The following RASA1 variants were observed in gnomAD, a reference collection of about 807,000 sequenced individuals.
The protein encoded by RASA1 is RAS p21 protein activator 1.
RASA1 carries 25 observed loss-of-function variants against 132.2 expected under a neutral mutation model. The observed-to-expected ratio is 0.19, with a 90% CI of 0.14 to 0.26. RASA1 has a LOEUF of 0.26. Among genes scored for constraint, RASA1 ranks in the 10% least tolerant of loss-of-function variants. The pLI, the probability that RASA1 is intolerant of heterozygous loss-of-function variation, is 1.00. For missense variants in RASA1, 964 were observed against 1,299.2 expected (o/e 0.74, Z 3.97); for synonymous variants, 477 against 449.9 (o/e 1.06, Z -0.76).
chr5:87,269,184 C>A lies in RASA1; in HGVS notation c.539+194C>A. On this transcript the variant is annotated intron_variant, in intron 1 of 24. Transcript: ENST00000274376. The stretch of plus-strand genomic sequence containing the variant: ...AGGCATACTACCTGGCGTCTTCCTA[C>A]ATTTATTGCTCCTCTGGGAAAGTGT... 8 of 1,604,004 alleles carry A rather than the reference C, an allele frequency of 5.0e-6. No individual in the cohort carries two copies. In the South Asian group the frequency reaches 8.9e-5, roughly 18 times the overall value.
intron 1 of RASA1, among the ~76,000 whole-genome samples, chr5:87,308,034 A>G (rs1755701789): frequency 6.6e-6 from 1 of 152,082 alleles, no homozygotes; most frequent in African/African-American, 2.4e-5. Flanking sequence ...GTGTAGCTTC[A>G]CAATTCAGTA....
chr5:87,274,708 A>C (rs915345524), intron 1 of RASA1, among the ~76,000 whole-genome samples: 2 of 152,220 alleles, frequency 1.3e-5, no homozygotes, highest in African/African-American at 4.8e-5. Context: ...GAGGGTTAAA[A>C]GAAAAAGAAA....
At chr5:87,282,973 T>G (rs1039848561) in intron 1 of RASA1, among the ~76,000 whole-genome samples, 10 of 152,124 alleles carry the variant, frequency 6.6e-5, no homozygotes, top group East Asian at 1.9e-4. Context: ...AGCATTTTTT[T>G]TGTGTGTGCT....
At chr5:87,281,074 C>T (rs1334125374) in intron 1 of RASA1, among the ~76,000 whole-genome samples, 1 of 152,030 alleles carries the variant, frequency 6.6e-6, no homozygotes, top group Non-Finnish European at 1.5e-5. Context: ...TGTTCCAGTG[C>T]CTGCTTTCAT....
intron 1 of RASA1, among the ~76,000 whole-genome samples, chr5:87,278,059 C>G (rs898615626): frequency 7.9e-5 from 12 of 152,214 alleles, no homozygotes; most frequent in Admixed American, 3.3e-4. Context: ...AAGGGAAAGA[C>G]TTAGAGATCT....
chr5:87,291,262 A>G (rs200134007), intron 1 of RASA1, among the ~76,000 whole-genome samples: 1 of 152,086 alleles, frequency 6.6e-6, no homozygotes, highest in African/African-American at 2.4e-5. Context: ...CAGGGTGGTG[A>G]CTCATACCTA....
intron 20 of RASA1, 40 bp downstream of exon 20, chr5:87,380,635 A>T (rs755503551): frequency 6.7e-7 from 1 of 1,502,906 alleles, no homozygotes; most frequent in Admixed American, 1.7e-5. Flanking sequence ...ACATACTAAT[A>T]GGTGGATAAT....
At chr5:87,281,520 G>A (rs184617753) in intron 1 of RASA1, among the ~76,000 whole-genome samples, 20 of 152,006 alleles carry the variant, frequency 1.3e-4, no homozygotes, top group Admixed American at 5.9e-4. Flanking sequence ...CTTTTCATGT[G>A]CTTATTGGCC....
chr5:87,352,492 T>A (rs138573530), intron 8 of RASA1, among the ~76,000 whole-genome samples: 2 of 151,898 alleles, frequency 1.3e-5, no homozygotes, highest in Non-Finnish European at 2.9e-5. Flanking sequence ...GAAACAACTT[T>A]ATATTTAAAA....
intron 1 of RASA1, among the ~76,000 whole-genome samples, chr5:87,329,925 GAT>G (rs1209759094): frequency 1.3e-5 from 2 of 152,074 alleles, no homozygotes; most frequent in Non-Finnish European, 2.9e-5. Context: ...TTCCATTTCA[GAT>G]TTAAAAAGTC....
intron 1 of RASA1, among the ~76,000 whole-genome samples, chr5:87,285,018 C>T (rs911678092): frequency 1.1e-4 from 16 of 150,818 alleles, no homozygotes; most frequent in Admixed American, 6.0e-4. Context: ...TAAAGTGCTG[C>T]GGAGATAATG....
At chr5:87,371,168 A>G (rs79333594) in intron 12 of RASA1, among the ~76,000 whole-genome samples, 1,822 of 152,226 alleles carry the variant, frequency 0.012, 28 homozygotes, top group African/African-American at 0.041. Flanking sequence ...TTGCAAGCCT[A>G]ACATAGAACA....
chr5:87,340,843 T>A (rs562709435), intron 5 of RASA1, among the ~76,000 whole-genome samples: 2 of 152,266 alleles, frequency 1.3e-5, no homozygotes, highest in South Asian at 4.1e-4. Context: ...AAGTTATGTG[T>A]GACCATGGTA....
In RASA1 at chr5:87,297,345, GTACT is replaced by G. The variant is rs1755166862; in HGVS notation, c.539+28356_539+28359del. ...TTTTTTATTGAAAGGTATACATGAT[GTACT>G]AGGTAAAAGGAACTGCTGCAAATAG... On this transcript the variant is annotated intron_variant, in intron 1 of 24. Coordinates refer to ENST00000274376, the MANE Select transcript of RASA1 (RefSeq NM_002890.3). Among the ~76,000 whole-genome samples, 3 of 150,906 alleles carry G rather than the reference GTACT, an allele frequency of 2.0e-5. No individual in the cohort carries two copies. In the South Asian group the frequency reaches 6.2e-4, roughly 31 times the overall value.
At chr5:87,313,730 A>G (rs1756099544) in intron 1 of RASA1, among the ~76,000 whole-genome samples, 1 of 152,248 alleles carries the variant, frequency 6.6e-6, no homozygotes, top group African/African-American at 2.4e-5. Flanking sequence ...AGCTGACATC[A>G]TGGTAGACGA....
At chr5:87,363,698 A>T (rs533205921) in intron 11 of RASA1, among the ~76,000 whole-genome samples, 194 bp downstream of exon 11, 1 of 152,150 alleles carries the variant, frequency 6.6e-6, no homozygotes, top group East Asian at 1.9e-4. Flanking sequence ...GTTGCACAGA[A>T]ATCTTTGGCA....
intron 1 of RASA1, among the ~76,000 whole-genome samples, chr5:87,305,732 C>T (rs1755578143): frequency 6.6e-6 from 1 of 152,176 alleles, no homozygotes; most frequent in Non-Finnish European, 1.5e-5. Context: ...TTGCAAACTA[C>T]ATATCTGACA....
chr5:87,365,243 A>T (rs1173958369), intron 11 of RASA1, among the ~76,000 whole-genome samples: 1 of 152,158 alleles, frequency 6.6e-6, no homozygotes, highest in Non-Finnish European at 1.5e-5. Flanking sequence ...ATATTTAACA[A>T]ATGTTTTATA....
At chr5:87,370,617 G>GTT (rs1204879213) in intron 12 of RASA1, among the ~76,000 whole-genome samples, 5 of 152,250 alleles carry the variant, frequency 3.3e-5, no homozygotes, top group Admixed American at 3.3e-4. Context: ...GTAAGATCGA[G>GTT]ACACTGTAAG....
Sources: gnomAD v4.1 joint callset for allele counts (sites outside exome capture counted in the v4.1 genomes callset) on GRCh38, gnomAD v4.1.1 for gene constraint, MANE v1.5 for transcripts, NCBI Gene and HGNC (gene_info 2026-07-23, HGNC 2026-07-21) for gene names.